The following CTNNA3 variants were observed in gnomAD, a reference collection of about 807,000 sequenced individuals.
CTNNA3 encodes catenin alpha-3.
CTNNA3 carries 76 observed loss-of-function variants against 95.7 expected under a neutral mutation model. That is an observed-to-expected ratio of 0.79 (90% CI 0.66 to 0.96). The LOEUF (loss-of-function observed/expected upper bound fraction) is 0.96, where lower values mean the gene tolerates loss of function less well. Ranked by LOEUF, CTNNA3 falls within the 40% of genes least tolerant of loss-of-function variation. The probability of loss-of-function intolerance (pLI) is 0.00; values close to 1 mark genes in which losing one functional copy is unlikely to be tolerated. For synonymous variants in CTNNA3, 431 were observed against 374.4 expected (o/e 1.15, Z -1.74); for missense variants, 1,191 against 1,089.8 (o/e 1.09, Z -1.31).
chr10:67,064,133 A>G (rs1198724810), intron 7 of CTNNA3, among the ~76,000 whole-genome samples: 2 of 152,158 alleles, frequency 1.3e-5, no homozygotes, highest in African/African-American at 4.8e-5. Context: ...TAGCCTATCA[A>G]CTTGTTTTTT....
intron 7 of CTNNA3, among the ~76,000 whole-genome samples, chr10:66,822,038 A>C (rs996536744): frequency 6.0e-5 from 9 of 150,588 alleles, no homozygotes; most frequent in African/African-American, 2.2e-4. Flanking sequence ...TTAATATATT[A>C]TTGTTTACAT....
chr10:66,272,467 A>G (rs1392815604), intron 13 of CTNNA3, among the ~76,000 whole-genome samples: 1 of 152,152 alleles, frequency 6.6e-6, no homozygotes, highest in African/African-American at 2.4e-5. Context: ...CGTTAGGACT[A>G]TGGAGAGAAA....
intron 1 of CTNNA3, among the ~76,000 whole-genome samples, chr10:67,720,217 C>T (rs769656649): frequency 7.0e-6 from 1 of 143,448 alleles, no homozygotes; most frequent in Non-Finnish European, 1.5e-5. Flanking sequence ...TGTCTTTGCA[C>T]GTGAAATGGG....
chr10:66,363,306 G>T (rs2092689776), intron 12 of CTNNA3, among the ~76,000 whole-genome samples: 1 of 152,170 alleles, frequency 6.6e-6, no homozygotes, highest in African/African-American at 2.4e-5. Flanking sequence ...TAATGTGATG[G>T]TATTTGGAGA....
At chr10:66,185,786 C>G (rs2086302342) in intron 13 of CTNNA3, among the ~76,000 whole-genome samples, 1 of 151,816 alleles carries the variant, frequency 6.6e-6, no homozygotes, top group Non-Finnish European at 1.5e-5. Flanking sequence ...TAATACTTTA[C>G]AGATTTTTTT....
intron 2 of CTNNA3, among the ~76,000 whole-genome samples, chr10:67,611,834 T>C (rs957531845): frequency 1.3e-5 from 2 of 152,234 alleles, no homozygotes; most frequent in Non-Finnish European, 2.9e-5. Flanking sequence ...TTTTGCTCCC[T>C]TGAGTTAATT....
intron 3 of CTNNA3, among the ~76,000 whole-genome samples, chr10:67,577,577 T>C (rs1842206841): frequency 6.6e-6 from 1 of 152,130 alleles, no homozygotes; most frequent in Admixed American, 6.6e-5. Context: ...TTGCTTTTGG[T>C]GTTTTAGACG....
At chr10:66,436,714 A>T (rs866678940) in intron 11 of CTNNA3, among the ~76,000 whole-genome samples, 1 of 151,912 alleles carries the variant, frequency 6.6e-6, no homozygotes. Flanking sequence ...TTACATGTGA[A>T]TTTGATCCTG....
chr10:66,009,335 A>C (rs980336670), intron 15 of CTNNA3, among the ~76,000 whole-genome samples: 1 of 152,148 alleles, frequency 6.6e-6, no homozygotes, highest in Non-Finnish European at 1.5e-5. Flanking sequence ...AATGGGTCGC[A>C]CTTAAGGAGG....
At chr10:67,123,755 C>A (rs1265600624) in intron 7 of CTNNA3, among the ~76,000 whole-genome samples, 3 of 152,120 alleles carry the variant, frequency 2.0e-5, no homozygotes, top group Admixed American at 6.6e-5. Flanking sequence ...AGAAAGAAAT[C>A]AAAAATTTTG....
intron 13 of CTNNA3, among the ~76,000 whole-genome samples, chr10:66,169,640 C>T (rs1043627694): frequency 3.3e-5 from 5 of 152,158 alleles, no homozygotes; most frequent in Non-Finnish European, 5.9e-5. Flanking sequence ...TTCCCACCAG[C>T]AGTGTAGAAG....
chr10:65,928,094 C>T (rs1174253871), intron 17 of CTNNA3, among the ~76,000 whole-genome samples: 1 of 152,094 alleles, frequency 6.6e-6, no homozygotes, highest in African/African-American at 2.4e-5. Flanking sequence ...CAATGTTAAA[C>T]AGATTTTCCT....
At chr10:65,957,646 T>A (rs112647361) in intron 17 of CTNNA3, among the ~76,000 whole-genome samples, 1 of 152,220 alleles carries the variant, frequency 6.6e-6, no homozygotes, top group Non-Finnish European at 1.5e-5. Flanking sequence ...CCTTCACTTA[T>A]GAAGCTTAGT....
chr10:66,906,637 T>C (rs1438862108), intron 7 of CTNNA3, among the ~76,000 whole-genome samples: 1 of 152,080 alleles, frequency 6.6e-6, no homozygotes, highest in East Asian at 1.9e-4. Context: ...GTTTCAAAAA[T>C]TGACAGTGTG....
intron 13 of CTNNA3, among the ~76,000 whole-genome samples, chr10:66,265,536 T>C (rs1300687277): frequency 6.6e-6 from 1 of 152,004 alleles, no homozygotes; most frequent in Admixed American, 6.6e-5. Context: ...TGTCTTCCTT[T>C]CTAAACTCTT....
At chr10:67,708,219 T>A (rs1252591871) in intron 1 of CTNNA3, among the ~76,000 whole-genome samples, 1 of 152,204 alleles carries the variant, frequency 6.6e-6, no homozygotes, top group South Asian at 2.1e-4. Flanking sequence ...TTGCTGTTAG[T>A]CAATAACCTT....
intron 15 of CTNNA3, among the ~76,000 whole-genome samples, chr10:66,050,390 T>C (rs1361739102): frequency 2.0e-5 from 3 of 151,736 alleles, no homozygotes; most frequent in Non-Finnish European, 4.4e-5. Context: ...CACAACACAT[T>C]AGAGTCATTT....
intron 7 of CTNNA3, among the ~76,000 whole-genome samples, chr10:66,974,103 T>C (rs7919694): frequency 5.9e-5 from 9 of 152,212 alleles, no homozygotes; most frequent in African/African-American, 1.7e-4. Context: ...AGTCTTCTTA[T>C]GCCCTACCAG....
chr10:66,501,938 A>G (rs896707369), intron 11 of CTNNA3, among the ~76,000 whole-genome samples: 1 of 152,300 alleles, frequency 6.6e-6, no homozygotes, highest in African/African-American at 2.4e-5. Context: ...AATAACAAGT[A>G]TGAGAAAAGT....
Sources: allele counts gnomAD v4.1 joint callset (sites outside exome capture counted in the v4.1 genomes callset), GRCh38; gene constraint gnomAD v4.1.1; transcripts MANE v1.5; gene names NCBI Gene and HGNC (gene_info 2026-07-23, HGNC 2026-07-21).